The following SLX4IP variants were observed in gnomAD, a reference collection of about 807,000 sequenced individuals.
The protein encoded by SLX4IP is protein SLX4IP.
In SLX4IP, 34 loss-of-function variants were observed where a neutral mutation model predicts 32.9. The ratio of observed to expected loss-of-function variants is 1.03; its 90% CI spans 0.79 to 1.38. The LOEUF is 1.38. Ranked by LOEUF, SLX4IP falls within the 40% of genes most tolerant of loss-of-function variation. The probability of loss-of-function intolerance (pLI) is 0.00; values close to 1 mark genes in which losing one functional copy is unlikely to be tolerated. For synonymous variants in SLX4IP, 172 were observed against 171.7 expected (o/e 1.00, Z -0.01); for missense variants, 444 against 479.0 (o/e 0.93, Z 0.68).
At chr20:10,479,917 TCCC>T (rs1361066854) in intron 2 of SLX4IP, among the ~76,000 whole-genome samples, 1 of 151,688 alleles carries the variant, frequency 6.6e-6, no homozygotes, top group Non-Finnish European at 1.5e-5. Context: ...GGCAGGAGAA[TCCC>T]TTGAACCAGG....
At chr20:10,613,855 CT>C in intron 6 of SLX4IP, 1 of 1,594,664 alleles carries the variant, frequency 6.3e-7, no homozygotes. Flanking sequence ...TCTTCCAAAC[CT>C]TTGTATGTCT....
chr20:10,600,613 T>C (rs560478715), intron 5 of SLX4IP, among the ~76,000 whole-genome samples: 2 of 152,276 alleles, frequency 1.3e-5, no homozygotes, highest in Admixed American at 1.3e-4. Context: ...TCTGTGTCCA[T>C]GTAATTGACA....
intron 2 of SLX4IP, among the ~76,000 whole-genome samples, chr20:10,498,593 C>A (rs1270920443): frequency 6.6e-6 from 1 of 152,000 alleles, no homozygotes; most frequent in Non-Finnish European, 1.5e-5. Context: ...TTGATCATTG[C>A]CATAGGGATG....
At chr20:10,529,586 A>G (rs1165810645) in intron 2 of SLX4IP, among the ~76,000 whole-genome samples, 3 of 86,292 alleles carry the variant, frequency 3.5e-5, no homozygotes, top group Non-Finnish European at 4.7e-5. Flanking sequence ...GTGAGACTCC[A>G]TCTCAAAAAA....
intron 2 of SLX4IP, among the ~76,000 whole-genome samples, chr20:10,493,888 G>C (rs538852526): frequency 4.3e-4 from 26 of 60,196 alleles, no homozygotes; most frequent in Non-Finnish European, 5.9e-4. Flanking sequence ...TTTTGAGTCA[G>C]GGTCTTACTG....
chr20:10,571,109 A>G (rs2066460113), intron 4 of SLX4IP, among the ~76,000 whole-genome samples: 1 of 152,228 alleles, frequency 6.6e-6, no homozygotes, highest in Non-Finnish European at 1.5e-5. Flanking sequence ...TTGGGATTAC[A>G]GACGTGAGCC....
rs1445128964 is a variant in SLX4IP, at chr20:10,621,414, T to A, written c.506T>A (p.Ile169Asn). 6.2e-7 allele frequency: 1 copy of A among 1,613,920 alleles called. No homozygotes were observed. The change falls in exon 7 of 8, where the codon ATT becomes AAT. Residue 169 changes from isoleucine to asparagine, a missense_variant and splice_region_variant. By Grantham distance (149) the Ile-to-Asn change is moderately radical (BLOSUM62 -3). Coordinates refer to ENST00000334534, the MANE Select transcript of SLX4IP (RefSeq NM_001009608.3). ...AKLRRNALKE[I>N]VKRTETKSSV... is the part of the protein sequence containing the mutation. Reference sequence around the variant, plus strand: ...CTCCGGAGAAATGCTCTGAAAGAAATGTAGGTGCAATGTGTTTCCTTTTTC... The same window carrying A: ...CTCCGGAGAAATGCTCTGAAAGAAAAGTAGGTGCAATGTGTTTCCTTTTTC...
At chr20:10,613,419 T>G in intron 6 of SLX4IP, 1 of 1,580,642 alleles carries the variant, frequency 6.3e-7, no homozygotes, top group East Asian at 2.2e-5. Context: ...TAAGGACCTT[T>G]GAAGAGAAAA....
chr20:10,564,738 G>A (rs1189486209), intron 4 of SLX4IP, among the ~76,000 whole-genome samples: 3 of 152,110 alleles, frequency 2.0e-5, no homozygotes, highest in African/African-American at 7.2e-5. Context: ...ATTGCCAATA[G>A]CCTCATTGTT....
chr20:10,448,978 A>G (rs575596399), intron 1 of SLX4IP, among the ~76,000 whole-genome samples: 17 of 152,198 alleles, frequency 1.1e-4, no homozygotes, highest in Non-Finnish European at 1.9e-4. Flanking sequence ...AGTGTTAGGC[A>G]TTGCTCTGAG....
At chr20:10,507,688 A>T (rs1366194129) in intron 2 of SLX4IP, among the ~76,000 whole-genome samples, 1 of 152,122 alleles carries the variant, frequency 6.6e-6, no homozygotes, top group Non-Finnish European at 1.5e-5. Context: ...ATTTAGTGAC[A>T]TACCTCCTGG....
chr20:10,616,341 A>G (rs1222366014), intron 6 of SLX4IP, among the ~76,000 whole-genome samples: 1 of 151,094 alleles, frequency 6.6e-6, no homozygotes, highest in East Asian at 1.9e-4. Context: ...TTGTCCCTCT[A>G]CAACGCCCAA....
chr20:10,616,390 T>A lies in SLX4IP; in HGVS notation c.406-4924T>A, dbSNP rs1184885401. 3.2e-5 allele frequency among the ~76,000 whole-genome samples: 4 copies of A among 125,790 alleles called. No individual in the cohort carries two copies. The East Asian group carries it at 8.5e-4, about 27-fold the overall frequency. 82.5% of individuals were successfully genotyped at this position (125,790 alleles called of 152,430 possible). A position where few individuals can be genotyped will look rare whatever the true frequency, so the allele number is the denominator to read the frequency against. On this transcript the variant is annotated intron_variant, in intron 6 of 7. Transcript: ENST00000334534. ...AAATGTCAAGTCCCAAAAAAAAAAA[T>A]GAAATAAATAAATAAATAAATAAAT...
intron 2 of SLX4IP, among the ~76,000 whole-genome samples, chr20:10,507,459 T>A (rs1350015781): frequency 6.6e-6 from 1 of 152,058 alleles, no homozygotes; most frequent in Non-Finnish European, 1.5e-5. Context: ...TTGTGTGAAA[T>A]GAGTTGTGGA....
chr20:10,551,030 C>G (rs1329747468), intron 2 of SLX4IP, among the ~76,000 whole-genome samples: 1 of 152,216 alleles, frequency 6.6e-6, no homozygotes, highest in Non-Finnish European at 1.5e-5. Flanking sequence ...GACCTTTCTA[C>G]ATCTCTTAAG....
intron 2 of SLX4IP, among the ~76,000 whole-genome samples, chr20:10,545,671 A>G (rs1232138417): frequency 6.6e-6 from 1 of 152,148 alleles, no homozygotes; most frequent in Non-Finnish European, 1.5e-5. Flanking sequence ...TCCTTAAATT[A>G]TTTTACCTAT....
At chr20:10,588,008 A>G (rs1157990609) in intron 4 of SLX4IP, among the ~76,000 whole-genome samples, 2 of 152,186 alleles carry the variant, frequency 1.3e-5, no homozygotes, top group Non-Finnish European at 2.9e-5. Flanking sequence ...ACTTCTGTGC[A>G]GCAAAGGAAA....
At chr20:10,608,462 G>A (rs921582601) in intron 6 of SLX4IP, among the ~76,000 whole-genome samples, 3 of 151,748 alleles carry the variant, frequency 2.0e-5, no homozygotes, top group Non-Finnish European at 4.4e-5. Context: ...TCAGGAGATC[G>A]AGACCATCCT....
intron 2 of SLX4IP, among the ~76,000 whole-genome samples, chr20:10,463,911 A>AC (rs2065359207): frequency 6.6e-6 from 1 of 152,194 alleles, no homozygotes; most frequent in South Asian, 2.1e-4. Context: ...TCAGCTTTGA[A>AC]CAGAGGTTAC....
Sources: allele counts gnomAD v4.1 joint callset (sites outside exome capture counted in the v4.1 genomes callset), GRCh38; gene constraint gnomAD v4.1.1; transcripts MANE v1.5; gene names NCBI Gene and HGNC (gene_info 2026-07-23, HGNC 2026-07-21).